The following IQCK variants were observed in gnomAD, a reference collection of about 807,000 sequenced individuals.
The protein encoded by IQCK is IQ motif containing K, also known as IQ domain-containing protein K.
In IQCK, 29 loss-of-function variants were observed where a neutral mutation model predicts 28.1. The observed-to-expected ratio is 1.03, with a 90% CI of 0.77 to 1.41. IQCK has a LOEUF of 1.41. Ranked by LOEUF, IQCK falls within the 40% of genes most tolerant of loss-of-function variation. The probability of loss-of-function intolerance (pLI) is 0.00; values close to 1 mark genes in which losing one functional copy is unlikely to be tolerated. For missense variants in IQCK, 359 were observed against 314.7 expected (o/e 1.14, Z -1.07); for synonymous variants, 113 against 115.1 (o/e 0.98, Z 0.12).
intron 9 of IQCK, among the ~76,000 whole-genome samples, chr16:19,842,956 G>A (rs1006759510): frequency 2.6e-5 from 4 of 152,230 alleles, no homozygotes; most frequent in East Asian, 3.9e-4. Flanking sequence ...AGCCTGGCCC[G>A]GGGGAGTTGT....
At position 19,730,512 on chromosome 16, in the gene IQCK, C is replaced by T; in HGVS notation, c.246+18C>T. On this transcript the variant is annotated intron_variant, in intron 2 of 7. Coordinates refer to ENST00000564186, the Ensembl canonical transcript of IQCK. ...TGATTACGGTGAGTATTACCTAGGC[C>T]TCAACCGAAGCAAGAAGCTCTTAAA... 6.4e-7 allele frequency: 1 copy of T among 1,568,836 alleles called. No homozygotes were observed. The highest frequency in any genetic ancestry group is 1.4e-5 in the African/African-American group (1 of 73,096).
intron 4 of IQCK, among the ~76,000 whole-genome samples, chr16:19,753,211 A>G (rs980477771): frequency 1.3e-5 from 2 of 151,238 alleles, no homozygotes; most frequent in East Asian, 2.0e-4. Context: ...AACCCAGGAG[A>G]CCAGCCTGGG....
chr16:19,781,665 T>G (rs1054980318), intron 6 of IQCK, among the ~76,000 whole-genome samples: 1 of 152,218 alleles, frequency 6.6e-6, no homozygotes, highest in Non-Finnish European at 1.5e-5. Flanking sequence ...GTTGTACTTT[T>G]TAGAAATATT....
At chr16:19,819,237 A>G (rs2056031392) in intron 7 of IQCK, among the ~76,000 whole-genome samples, 1 of 152,198 alleles carries the variant, frequency 6.6e-6, no homozygotes, top group African/African-American at 2.4e-5. Context: ...TCACGCCTGT[A>G]ATTCCAGCAC....
intron 6 of IQCK, among the ~76,000 whole-genome samples, chr16:19,778,716 C>T (rs1312877816): frequency 2.0e-5 from 3 of 152,110 alleles, no homozygotes; most frequent in Non-Finnish European, 4.4e-5. Context: ...CAGTTGGTAT[C>T]TGCAGAGAGC....
intron 4 of IQCK, among the ~76,000 whole-genome samples, chr16:19,738,242 A>G (rs1004102350): frequency 1.3e-5 from 2 of 152,164 alleles, no homozygotes; most frequent in African/African-American, 4.8e-5. Flanking sequence ...GAATGTCACT[A>G]TTACTATGTC....
intron 4 of IQCK, among the ~76,000 whole-genome samples, chr16:19,745,243 C>G (rs901993236): frequency 4.6e-5 from 7 of 152,188 alleles, no homozygotes; most frequent in African/African-American, 9.7e-5. Context: ...CTCAGTGAAT[C>G]ACCTCACCTA....
chr16:19,718,394 C>T, exon 1 of IQCK: 1 of 1,606,582 alleles, frequency 6.2e-7, no homozygotes, highest in East Asian at 2.2e-5. Flanking sequence ...GACGCCGGTG[C>T]CCACCGTGTC....
intron 4 of IQCK, among the ~76,000 whole-genome samples, chr16:19,756,419 A>G (rs1356241240): frequency 6.6e-6 from 1 of 151,976 alleles, no homozygotes; most frequent in Non-Finnish European, 1.5e-5. Context: ...GAATATGACT[A>G]AACAAACAAA....
intron 6 of IQCK, among the ~76,000 whole-genome samples, chr16:19,783,795 G>T (rs1474009031): frequency 6.6e-6 from 1 of 152,146 alleles, no homozygotes; most frequent in South Asian, 2.1e-4. Context: ...ACTAAAGGTG[G>T]CCTCTTATTA....
At chr16:19,753,939 TC>T (rs1420891224) in intron 4 of IQCK, among the ~76,000 whole-genome samples, 2 of 151,968 alleles carry the variant, frequency 1.3e-5, no homozygotes, top group Admixed American at 1.3e-4. Flanking sequence ...GAAATTAACT[TC>T]CCAGAAGCTC....
chr16:19,744,205 T>C (rs1004699423), intron 4 of IQCK, among the ~76,000 whole-genome samples: 5 of 152,386 alleles, frequency 3.3e-5, no homozygotes, highest in Admixed American at 3.3e-4. Flanking sequence ...GAATTTAATA[T>C]AGTTTCTAAA....
At chr16:19,831,890 A>G (rs1466709753), downstream of IQCK, among the ~76,000 whole-genome samples, 1 of 152,066 alleles carries the variant, frequency 6.6e-6, no homozygotes, top group Non-Finnish European at 1.5e-5. Flanking sequence ...TGAGTCAGAG[A>G]CTGACTGTCC....
chr16:19,718,452 C>G (rs1977331087), exon 1 of IQCK: 1 of 1,607,524 alleles, frequency 6.2e-7, no homozygotes, highest in African/African-American at 1.3e-5. Context: ...GTCACCGAGC[C>G]GTCAAGCAAG....
chr16:19,834,221 G>C (rs943281154), intron 9 of IQCK, among the ~76,000 whole-genome samples: 4 of 152,218 alleles, frequency 2.6e-5, no homozygotes, highest in Admixed American at 2.6e-4. Context: ...CTTATGCCAT[G>C]TGCCAGACAC....
At chr16:19,775,114 C>T (rs2055372154) in intron 6 of IQCK, among the ~76,000 whole-genome samples, 2 of 151,592 alleles carry the variant, frequency 1.3e-5, no homozygotes, top group Non-Finnish European at 2.9e-5. Context: ...GTAATCCCAG[C>T]TACTCAGGAG....
chr16:19,778,779 G>T (rs541294399), intron 6 of IQCK, among the ~76,000 whole-genome samples: 1 of 152,158 alleles, frequency 6.6e-6, no homozygotes, highest in Admixed American at 6.5e-5. Context: ...GAAGTCTTGC[G>T]AGTAGAGAAA....
intron 4 of IQCK, among the ~76,000 whole-genome samples, chr16:19,750,809 G>C (rs1256231100): frequency 6.6e-6 from 1 of 152,060 alleles, no homozygotes; most frequent in African/African-American, 2.4e-5. Flanking sequence ...TAAGTGCCTG[G>C]CACAGCTACA....
chr16:19,733,925 C>T, intron 3 of IQCK, 98 bp downstream of exon 3: 1 of 1,103,488 alleles, frequency 9.1e-7, no homozygotes, highest in Non-Finnish European at 1.3e-6. Context: ...TCAGGGAGAC[C>T]ACATACATAA....
Sources: gnomAD v4.1 joint callset for allele counts (sites outside exome capture counted in the v4.1 genomes callset) on GRCh38, gnomAD v4.1.1 for gene constraint, MANE v1.5 for transcripts, NCBI Gene and HGNC (gene_info 2026-07-23, HGNC 2026-07-21) for gene names.